Variants in KCNIP4 observed in about 807,000 individuals in gnomAD.
The protein encoded by KCNIP4 is Kv channel-interacting protein 4.
In KCNIP4, 12 loss-of-function variants were observed where a neutral mutation model predicts 34.0. The observed-to-expected ratio is 0.35, with a 90% CI of 0.23 to 0.57. The LOEUF (loss-of-function observed/expected upper bound fraction) is 0.57. Ranked by LOEUF, KCNIP4 falls within the 20% of genes least tolerant of loss-of-function variation. The pLI, the probability that KCNIP4 is intolerant of heterozygous loss-of-function variation, is 0.83. For synonymous variants in KCNIP4, 124 were observed against 102.2 expected, an observed-to-expected ratio of 1.21 and a Z score of -1.29; for missense variants, 238 against 311.7, an observed-to-expected ratio of 0.76 and a Z score of 1.78.
chr4:21,693,199 T>C (rs1333121132), intron 1 of KCNIP4, among the ~76,000 whole-genome samples: 2 of 29,402 alleles, frequency 6.8e-5, no homozygotes, highest in Non-Finnish European at 1.8e-4. Context: ...AATGCTGGTC[T>C]CATTTTCCTC....
chr4:21,148,696 A>AT (rs1160170593), intron 1 of KCNIP4, among the ~76,000 whole-genome samples: 3 of 152,200 alleles, frequency 2.0e-5, no homozygotes, highest in Admixed American at 2.0e-4. Context: ...AGAAAAAAAA[A>AT]AAAGCTGAAG....
chr4:21,924,496 G>A (rs755512981), intron 1 of KCNIP4, among the ~76,000 whole-genome samples: 5 of 151,824 alleles, frequency 3.3e-5, no homozygotes, highest in Admixed American at 1.3e-4. Context: ...TGTCCGTCTC[G>A]GCCTCCCAAA....
intron 1 of KCNIP4, among the ~76,000 whole-genome samples, chr4:21,490,817 A>T (rs1732325630): frequency 6.6e-6 from 1 of 152,196 alleles, no homozygotes; most frequent in Non-Finnish European, 1.5e-5. Context: ...TTACAGATGC[A>T]TAGAGGATGC....
chr4:21,127,337 C>A (rs567400520), intron 1 of KCNIP4, among the ~76,000 whole-genome samples: 1 of 152,228 alleles, frequency 6.6e-6, no homozygotes, highest in South Asian at 2.1e-4. Flanking sequence ...CCTAATACAT[C>A]ACTTGCCTTT....
chr4:21,085,243 T>C (rs1283233638), intron 1 of KCNIP4, among the ~76,000 whole-genome samples: 1 of 152,102 alleles, frequency 6.6e-6, no homozygotes, highest in African/African-American at 2.4e-5. Context: ...CTCTGCCAGT[T>C]GGCCATATGA....
At chr4:21,791,896 G>A (rs1243304808) in intron 1 of KCNIP4, among the ~76,000 whole-genome samples, 1 of 149,572 alleles carries the variant, frequency 6.7e-6, no homozygotes, top group Non-Finnish European at 1.5e-5. Context: ...CAGCTACTCG[G>A]GAGGCTGAGG....
intron 1 of KCNIP4, among the ~76,000 whole-genome samples, chr4:21,232,513 T>C (rs1034338838): frequency 6.6e-6 from 1 of 152,200 alleles, no homozygotes; most frequent in African/African-American, 2.4e-5. Flanking sequence ...TTTTTACATA[T>C]AATTCAATAA....
intron 1 of KCNIP4, among the ~76,000 whole-genome samples, chr4:21,641,658 T>C (rs573822079): frequency 2.0e-5 from 3 of 152,254 alleles, no homozygotes; most frequent in South Asian, 2.1e-4. Flanking sequence ...CAAAGAGAGA[T>C]GTCAGGAGAG....
intron 1 of KCNIP4, among the ~76,000 whole-genome samples, chr4:20,924,750 A>G (rs543199736): frequency 1.5e-4 from 23 of 152,310 alleles, no homozygotes; most frequent in African/African-American, 5.1e-4. Context: ...TTCAAAATTA[A>G]CTTTTAAATT....
chr4:20,742,612 T>C (rs1751399185), intron 5 of KCNIP4, among the ~76,000 whole-genome samples: 1 of 152,172 alleles, frequency 6.6e-6, no homozygotes, highest in South Asian at 2.1e-4. Flanking sequence ...AATATCATAC[T>C]GAATGGGCAA....
At chr4:21,415,208 C>T (rs1361709901) in intron 1 of KCNIP4, among the ~76,000 whole-genome samples, 1 of 151,964 alleles carries the variant, frequency 6.6e-6, no homozygotes, top group Non-Finnish European at 1.5e-5. Context: ...AAGACAAATA[C>T]TGCATGATTC....
intron 1 of KCNIP4, among the ~76,000 whole-genome samples, chr4:20,986,750 T>A (rs141919303): frequency 0.01 from 1,574 of 152,294 alleles, 14 homozygotes; most frequent in Non-Finnish European, 0.015. Flanking sequence ...TTGCCACATC[T>A]CATTTTCCAG....
chr4:21,600,167 C>T (rs1742992954), intron 1 of KCNIP4, among the ~76,000 whole-genome samples: 1 of 151,986 alleles, frequency 6.6e-6, no homozygotes, highest in African/African-American at 2.4e-5. Flanking sequence ...TGGCTTCCTC[C>T]CTAAAGGAGA....
chr4:21,031,107 AGACTACGCCTCCCAT>A (rs912256118), intron 1 of KCNIP4, among the ~76,000 whole-genome samples: 1 of 152,170 alleles, frequency 6.6e-6, no homozygotes, highest in Non-Finnish European at 1.5e-5. Flanking sequence ...GGTCCTCAAA[AGACTACGCCTCCCAT>A]GACTATACAA....
In KCNIP4 at chr4:20,962,242, G is replaced by A. The variant is rs202030416; in HGVS notation, c.62-79533C>T. On this transcript the variant is annotated intron_variant, in intron 1 of 8. Coordinates refer to ENST00000382152, the MANE Select transcript of KCNIP4 (RefSeq NM_025221.6). ...ACTCTCCCCTACACCGTGAACTGGG[G>A]ATCCATCCCCATCAGCATCACTCCT... 1.1e-4 allele frequency among the ~76,000 whole-genome samples: 16 copies of A among 152,290 alleles called. 1 individual carries two copies. In the South Asian group the frequency reaches 3.1e-3, roughly 30 times the overall value.
intron 1 of KCNIP4, among the ~76,000 whole-genome samples, chr4:21,340,509 T>G (rs762060590): frequency 1.2e-4 from 18 of 152,090 alleles, no homozygotes; most frequent in Non-Finnish European, 2.4e-4. Context: ...CTTGGCAGGA[T>G]CTCATAAACA....
intron 1 of KCNIP4, among the ~76,000 whole-genome samples, chr4:21,910,929 C>T (rs1728270856): frequency 1.3e-5 from 2 of 152,202 alleles, no homozygotes; most frequent in African/African-American, 2.4e-5. Context: ...CAATAAGATG[C>T]CTTAATTAAA....
At chr4:21,661,844 G>A (rs1748478462) in intron 1 of KCNIP4, among the ~76,000 whole-genome samples, 1 of 152,120 alleles carries the variant, frequency 6.6e-6, no homozygotes, top group Non-Finnish European at 1.5e-5. Flanking sequence ...AGTGCCAAAG[G>A]CAAAGAAGAA....
chr4:21,408,553 T>G (rs1021344638), intron 1 of KCNIP4, among the ~76,000 whole-genome samples: 1 of 152,202 alleles, frequency 6.6e-6, no homozygotes, highest in Non-Finnish European at 1.5e-5. Context: ...CAGGATGTTT[T>G]GCTGTGTTTC....
Sources: allele counts gnomAD v4.1 joint callset (sites outside exome capture counted in the v4.1 genomes callset), GRCh38; gene constraint gnomAD v4.1.1; transcripts MANE v1.5; gene names NCBI Gene and HGNC (gene_info 2026-07-23, HGNC 2026-07-21).